TBC1D8: variants seen among roughly 807,000 people sequenced by gnomAD.
TBC1D8 encodes BUB2-like protein 1.
Under a neutral mutation model 118.8 loss-of-function variants are expected in TBC1D8, and 65 were observed. The observed-to-expected ratio is 0.55, with a 90% CI of 0.45 to 0.67. TBC1D8 has a LOEUF of 0.67. Ranked by LOEUF, TBC1D8 falls within the 30% of genes least tolerant of loss-of-function variation. TBC1D8 has a pLI of 0.00. For missense variants in TBC1D8, 1,376 were observed against 1,471.2 expected (o/e 0.94, Z 1.06); for synonymous variants, 566 against 595.8 (o/e 0.95, Z 0.73).
intron 1 of TBC1D8, among the ~76,000 whole-genome samples, chr2:101,128,915 T>C (rs1006365153): frequency 3.3e-5 from 5 of 150,994 alleles, no homozygotes; most frequent in African/African-American, 1.2e-4. Flanking sequence ...ATGGTTACCA[T>C]AGAGGGAGGG....
chr2:101,122,610 G>A (rs915037076), intron 1 of TBC1D8, among the ~76,000 whole-genome samples: 2 of 151,916 alleles, frequency 1.3e-5, no homozygotes, highest in African/African-American at 2.4e-5. Flanking sequence ...CTCTATTGAC[G>A]ATTTTGTTAC....
chr2:101,041,334 T>C (rs948426803), intron 5 of TBC1D8, among the ~76,000 whole-genome samples: 1 of 152,128 alleles, frequency 6.6e-6, no homozygotes, highest in Non-Finnish European at 1.5e-5. Context: ...ATCCATACAA[T>C]CAAATATTGT....
At chr2:101,061,187 CAA>C (rs397785120) in intron 2 of TBC1D8, among the ~76,000 whole-genome samples, 887 of 52,452 alleles carry the variant, frequency 0.017, 8 homozygotes, top group African/African-American at 0.064. Flanking sequence ...GACTCTGTCT[CAA>C]AAAAAAAAAA....
intron 1 of TBC1D8, among the ~76,000 whole-genome samples, chr2:101,110,892 T>G (rs1365224756): frequency 1.3e-5 from 2 of 150,466 alleles, no homozygotes; most frequent in African/African-American, 4.9e-5. Flanking sequence ...GAGAATCACT[T>G]GAACTTGAAC....
chr2:101,129,756 T>C (rs1678506825), intron 1 of TBC1D8, among the ~76,000 whole-genome samples: 1 of 151,624 alleles, frequency 6.6e-6, no homozygotes, highest in Non-Finnish European at 1.5e-5. Flanking sequence ...ATACAAACAA[T>C]TAGCTGGGCG....
At chr2:101,147,118 A>C (rs1404496608) in intron 1 of TBC1D8, among the ~76,000 whole-genome samples, 1 of 152,186 alleles carries the variant, frequency 6.6e-6, no homozygotes, top group Admixed American at 6.5e-5. Context: ...TGAGGTCAAG[A>C]GTTCAAGACC....
In TBC1D8 at chr2:101,029,773, G is replaced by A. The variant is rs750837462; in HGVS notation, c.1940C>T (p.Ala647Val). Reference protein sequence around the residue: ...PDYFNHRVIGAQVDQSVFEEL... With the variant: ...PDYFNHRVIGVQVDQSVFEEL... ...CTCGAAGACAGACTGGTCAACTTGT[G>A]CCCCTGGAAAAGAAAGGGCACAGGG... is the stretch of plus-strand genomic sequence containing the variant. The change falls in exon 12 of 20, where the codon GCA becomes GTA. Residue 647 changes from alanine to valine, a missense_variant. Coordinates refer to ENST00000409318, the MANE Select transcript of TBC1D8 (RefSeq NM_001330348.2). The A allele has an allele frequency of 1.9e-6, 3 of 1,612,124 alleles. No individual in the cohort carries two copies. The highest frequency in any genetic ancestry group is 1.7e-4 in the Middle Eastern group (1 of 6,060).
At chr2:101,145,854 T>C (rs1421087850) in intron 1 of TBC1D8, among the ~76,000 whole-genome samples, 1 of 152,246 alleles carries the variant, frequency 6.6e-6, no homozygotes, top group East Asian at 1.9e-4. Context: ...AGCTGTTGTT[T>C]AAATATTTCA....
chr2:101,016,594 A>C (rs1469918678), intron 17 of TBC1D8, among the ~76,000 whole-genome samples: 1 of 152,146 alleles, frequency 6.6e-6, no homozygotes, highest in Non-Finnish European at 1.5e-5. Flanking sequence ...AAAGGACTAT[A>C]AATCATGCTG....
chr2:101,068,697 C>A, intron 2 of TBC1D8: 1 of 354,466 alleles, frequency 2.8e-6, no homozygotes, highest in Non-Finnish European at 5.1e-6. Context: ...TCTGCCTTAT[C>A]TACTATTTAA....
At chr2:101,064,371 T>A (rs1211474936) in intron 2 of TBC1D8, among the ~76,000 whole-genome samples, 1 of 152,106 alleles carries the variant, frequency 6.6e-6, no homozygotes, top group Non-Finnish European at 1.5e-5. Flanking sequence ...CTTCCCAGGC[T>A]CCAGAACTGT....
At chr2:101,012,210 T>C (rs894932935) in intron 17 of TBC1D8, among the ~76,000 whole-genome samples, 1 of 152,206 alleles carries the variant, frequency 6.6e-6, no homozygotes. Flanking sequence ...CTTCTACATA[T>C]ACACCCAAGA....
intron 17 of TBC1D8, among the ~76,000 whole-genome samples, chr2:101,012,972 G>A (rs2105363156): frequency 6.6e-6 from 1 of 152,268 alleles, no homozygotes; most frequent in Non-Finnish European, 1.5e-5. Flanking sequence ...TGGTACCTGG[G>A]GCAGTCAGGA....
intron 13 of TBC1D8, 25 bp from the exon 14 acceptor site, chr2:101,028,171 G>A: frequency 6.2e-7 from 1 of 1,612,556 alleles, no homozygotes; most frequent in Non-Finnish European, 8.5e-7. Context: ...GGGACCACTT[G>A]CTCAGTCCCC....
At chr2:101,107,845 C>T (rs1290379568) in intron 1 of TBC1D8, among the ~76,000 whole-genome samples, 11 of 152,140 alleles carry the variant, frequency 7.2e-5, no homozygotes. Flanking sequence ...CTGACAAATA[C>T]TACCTCAGCC....
chr2:101,014,689 C>G (rs970309720), intron 17 of TBC1D8, among the ~76,000 whole-genome samples: 1 of 152,166 alleles, frequency 6.6e-6, no homozygotes, highest in African/African-American at 2.4e-5. Context: ...CCCTCAGTTT[C>G]TTGGGTTCCA....
chr2:101,012,925 A>G (rs1679338294), intron 17 of TBC1D8, among the ~76,000 whole-genome samples: 1 of 152,198 alleles, frequency 6.6e-6, no homozygotes, highest in South Asian at 2.1e-4. Flanking sequence ...GTAAGAATCC[A>G]CTCAAACTGA....
chr2:101,026,722 C>T (rs757095957), intron 15 of TBC1D8, among the ~76,000 whole-genome samples: 23 of 152,186 alleles, frequency 1.5e-4, no homozygotes, highest in Non-Finnish European at 2.9e-5. Context: ...GCCTCTGTTC[C>T]TAATTTCCAT....
rs1397680321 is a variant in TBC1D8 at position 101,008,248 on chromosome 2, G to C, written c.3041C>G (p.Thr1014Ser). The part of the protein sequence containing the change: ...SQREFIQFCK[T>S]LYSMFHEDPE... ...ATCTTCATGGAACATACTGTACAGA[G>C]TTTTACAGAACTGGATAAATTCTCT... Residue 1014 changes from threonine (T) to serine (S), a missense_variant, in exon 20 of 20, where the codon ACT (threonine) becomes AGT (serine). By Grantham distance (58) the Thr-to-Ser change is moderately conservative (BLOSUM62 1). Coordinates refer to ENST00000409318, the MANE Select transcript of TBC1D8 (RefSeq NM_001330348.2). 2 of 1,559,694 alleles carry C rather than the reference G, an allele frequency of 1.3e-6. No homozygotes were observed. The highest frequency in any genetic ancestry group is 2.4e-5 in the South Asian group (2 of 83,054).
Sources: gnomAD v4.1 joint callset for allele counts (sites outside exome capture counted in the v4.1 genomes callset) on GRCh38, gnomAD v4.1.1 for gene constraint, MANE v1.5 for transcripts, NCBI Gene and HGNC (gene_info 2026-07-23, HGNC 2026-07-21) for gene names.